PTPRD: variants seen among roughly 807,000 people sequenced by gnomAD.
PTPRD encodes the protein protein tyrosine phosphatase receptor type D.
A neutral mutation model predicts 214.5 loss-of-function variants in PTPRD; 34 were observed. That is an observed-to-expected ratio of 0.16 (90% confidence interval 0.12 to 0.21). The LOEUF (loss-of-function observed/expected upper bound fraction) is 0.21. Among genes scored for constraint, PTPRD ranks in the 10% least tolerant of loss-of-function variants. The probability of loss-of-function intolerance (pLI) is 1.00; values close to 1 mark genes in which losing one functional copy is unlikely to be tolerated. For missense variants in PTPRD, 2,545 were observed against 2,398.7 expected (o/e 1.06, Z -1.27); for synonymous variants, 1,128 against 845.7 (o/e 1.33, Z -5.79).
At chr9:9,473,905 C>T (rs1430718834) in intron 8 of PTPRD, among the ~76,000 whole-genome samples, 2 of 146,728 alleles carry the variant, frequency 1.4e-5, no homozygotes, top group Middle Eastern at 3.6e-3. Flanking sequence ...GCAATATTTT[C>T]TCTTAACCTA....
intron 2 of PTPRD, among the ~76,000 whole-genome samples, chr9:10,583,981 A>G (rs10959177): frequency 0.28 from 43,038 of 152,030 alleles, 7,173 homozygotes; most frequent in Middle Eastern, 0.42. Flanking sequence ...GTACACCAGT[A>G]ACAATTCTGA....
At chr9:8,472,681 T>C (rs2096677745) in intron 30 of PTPRD, among the ~76,000 whole-genome samples, 1 of 151,966 alleles carries the variant, frequency 6.6e-6, no homozygotes, top group Non-Finnish European at 1.5e-5. Context: ...TGATACATTA[T>C]AAAATAATCT....
At chr9:8,771,438 T>C (rs1160555006) in intron 11 of PTPRD, among the ~76,000 whole-genome samples, 2 of 152,176 alleles carry the variant, frequency 1.3e-5, no homozygotes, top group African/African-American at 4.8e-5. Context: ...GTGCTTTGTG[T>C]GTCATGGTAA....
At chr9:8,392,226 A>T (rs1044868119) in intron 36 of PTPRD, among the ~76,000 whole-genome samples, 12 of 152,214 alleles carry the variant, frequency 7.9e-5, no homozygotes, top group Non-Finnish European at 1.6e-4. Flanking sequence ...TCTACAAAAA[A>T]ATAAAAATAA....
At chr9:8,701,090 G>A (rs1450989711) in intron 12 of PTPRD, among the ~76,000 whole-genome samples, 1 of 152,010 alleles carries the variant, frequency 6.6e-6, no homozygotes, top group African/African-American at 2.4e-5. Flanking sequence ...GAACCCGGGA[G>A]GTGGAGGTTA....
chr9:8,350,182 G>T (rs2075057270), intron 39 of PTPRD, among the ~76,000 whole-genome samples: 1 of 152,102 alleles, frequency 6.6e-6, no homozygotes, highest in African/African-American at 2.4e-5. Flanking sequence ...AAATTAAGAG[G>T]CATACAGGGA....
intron 11 of PTPRD, among the ~76,000 whole-genome samples, chr9:8,771,524 A>G (rs1054121696): frequency 1.3e-5 from 2 of 152,194 alleles, no homozygotes; most frequent in African/African-American, 4.8e-5. Flanking sequence ...CGGACTTTAA[A>G]TAAGTATTCA....
intron 31 of PTPRD, among the ~76,000 whole-genome samples, chr9:8,466,540 T>C (rs900488724): frequency 9.9e-5 from 15 of 152,060 alleles, no homozygotes; most frequent in Non-Finnish European, 2.2e-4. Context: ...ACAGTGGTTA[T>C]GAACACTGAT....
At chr9:10,069,766 C>T (rs953084018) in intron 3 of PTPRD, among the ~76,000 whole-genome samples, 1 of 151,996 alleles carries the variant, frequency 6.6e-6, no homozygotes, top group African/African-American at 2.4e-5. Context: ...AGAAGTCATA[C>T]ACTTTGACAA....
chr9:8,800,782 C>T (rs1173428820), intron 11 of PTPRD, among the ~76,000 whole-genome samples: 2 of 152,176 alleles, frequency 1.3e-5, no homozygotes, highest in African/African-American at 4.8e-5. Context: ...TGAATTCTTT[C>T]CTGCAGGAGA....
intron 11 of PTPRD, among the ~76,000 whole-genome samples, chr9:8,963,714 G>A (rs2099170805): frequency 6.6e-6 from 1 of 151,950 alleles, no homozygotes; most frequent in Admixed American, 6.6e-5. Flanking sequence ...CAGCCTCCTG[G>A]GCTCAAGTCA....
intron 11 of PTPRD, among the ~76,000 whole-genome samples, chr9:8,995,539 C>T (rs930580103): frequency 6.6e-5 from 10 of 151,844 alleles, no homozygotes; most frequent in African/African-American, 2.4e-4. Flanking sequence ...GGGGCTCTTA[C>T]AGAACTTTAG....
intron 3 of PTPRD, among the ~76,000 whole-genome samples, chr9:10,145,767 T>C (rs917960623): frequency 3.9e-5 from 6 of 152,030 alleles, no homozygotes; most frequent in Non-Finnish European, 5.9e-5. Flanking sequence ...CAGACATGTA[T>C]AACAGAAAAA....
At chr9:8,552,309 C>T (rs763194399) in intron 14 of PTPRD, among the ~76,000 whole-genome samples, 89 of 152,178 alleles carry the variant, frequency 5.8e-4, no homozygotes, top group Non-Finnish European at 9.1e-4. Context: ...TTGGCGGTGC[C>T]TGTCAAAAAG....
intron 3 of PTPRD, among the ~76,000 whole-genome samples, chr9:10,123,033 G>A (rs2098788951): frequency 6.6e-6 from 1 of 152,230 alleles, no homozygotes; most frequent in South Asian, 2.1e-4. Context: ...CATGTTCCCT[G>A]AATCCCAGGA....
At chr9:9,947,065 C>T (rs1228704769) in intron 4 of PTPRD, among the ~76,000 whole-genome samples, 4 of 150,608 alleles carry the variant, frequency 2.7e-5, no homozygotes, top group Admixed American at 2.0e-4. Context: ...CCCAAAATAC[C>T]ACAAAAGAAA....
intron 8 of PTPRD, among the ~76,000 whole-genome samples, chr9:9,405,995 T>C (rs1186602018): frequency 2.0e-5 from 3 of 152,006 alleles, no homozygotes; most frequent in Non-Finnish European, 4.4e-5. Context: ...TTTGCTATTA[T>C]TTTCCCTGTG....
At chr9:10,337,927 T>G (rs976498645) in intron 3 of PTPRD, among the ~76,000 whole-genome samples, 2 of 151,694 alleles carry the variant, frequency 1.3e-5, no homozygotes, top group Non-Finnish European at 3.0e-5. Flanking sequence ...TTAAAATACG[T>G]TTTCAGCAAT....
chr9:9,548,087 G>A (rs1359757620), intron 8 of PTPRD, among the ~76,000 whole-genome samples: 1 of 151,908 alleles, frequency 6.6e-6, no homozygotes, highest in Non-Finnish European at 1.5e-5. Context: ...TATTTGCTGA[G>A]CAATGTAATA....
Sources: allele counts gnomAD v4.1 joint callset (sites outside exome capture counted in the v4.1 genomes callset), GRCh38; gene constraint gnomAD v4.1.1; transcripts MANE v1.5; gene names NCBI Gene and HGNC (gene_info 2026-07-23, HGNC 2026-07-21).